Variants in DGCR2 observed in about 807,000 individuals in gnomAD.
DGCR2 encodes the protein integral membrane protein DGCR2/IDD.
DGCR2 carries 24 observed loss-of-function variants against 51.6 expected under a neutral mutation model. That is an observed-to-expected ratio of 0.47 (90% confidence interval 0.34 to 0.65). The LOEUF is 0.65. DGCR2 is among the 30% of genes least tolerant of loss of function. DGCR2 has a pLI of 0.01. For missense variants in DGCR2, 765 were observed against 772.1 expected, an observed-to-expected ratio of 0.99 and a Z score of 0.11; for synonymous variants, 340 against 315.4, an observed-to-expected ratio of 1.08 and a Z score of -0.82.
chr22:19,095,725 A>T (rs1407029792), intron 1 of DGCR2, among the ~76,000 whole-genome samples: 3 of 137,292 alleles, frequency 2.2e-5, no homozygotes, highest in Non-Finnish European at 4.6e-5. Context: ...AGTCAATTAT[A>T]CCTCAATAAG....
At chr22:19,097,624 G>C (rs569267984) in intron 1 of DGCR2, among the ~76,000 whole-genome samples, 8 of 152,302 alleles carry the variant, frequency 5.3e-5, no homozygotes, top group African/African-American at 1.7e-4. Flanking sequence ...CCAGGGCATA[G>C]CCGACCACAC....
rs55803042 is a variant in DGCR2 at position 19,108,569 on chromosome 22, TAAAAAAAAAAAAAAA to T, written c.79+13544_79+13558del. Among the ~76,000 whole-genome samples, 161 of 90,796 alleles carry T rather than the reference TAAAAAAAAAAAAAAA, an allele frequency of 1.8e-3. 1 individual carries two copies. The highest frequency in any genetic ancestry group is 2.9e-3 in the African/African-American group (78 of 27,050). 59.6% of individuals were successfully genotyped at this position (90,796 alleles called of 152,430 possible). A position where few individuals can be genotyped will look rare whatever the true frequency, so the allele number is the denominator to read the frequency against. ...CAGCCTGGGCAACAGAGAATTTATC[TAAAAAAAAAAAAAAA>T]AAAAAAAAAAAAAAAAAAAAGATGC... On this transcript the variant is annotated intron_variant, in intron 1 of 9. Transcript: ENST00000263196.
chr22:19,086,957 A>G (rs1391544550), intron 2 of DGCR2, among the ~76,000 whole-genome samples: 1 of 152,238 alleles, frequency 6.6e-6, no homozygotes, highest in Non-Finnish European at 1.5e-5. Context: ...AGTTATTACA[A>G]ACAACTACAA....
chr22:19,044,388 G>C (rs1412231976), intron 7 of DGCR2, among the ~76,000 whole-genome samples: 3 of 152,222 alleles, frequency 2.0e-5, no homozygotes, highest in Non-Finnish European at 4.4e-5. Context: ...CAGTGACAAG[G>C]AGCTCACCAT....
intron 1 of DGCR2, among the ~76,000 whole-genome samples, chr22:19,102,009 C>T (rs1437625330): frequency 2.6e-5 from 4 of 151,908 alleles, no homozygotes; most frequent in East Asian, 1.9e-4. Flanking sequence ...GAGCCGAGAT[C>T]GCATCACTAT....
intron 5 of DGCR2, among the ~76,000 whole-genome samples, chr22:19,062,765 A>G (rs1056714093): frequency 1.6e-5 from 2 of 128,300 alleles, no homozygotes; most frequent in Admixed American, 8.0e-5. Flanking sequence ...GCGCACACAC[A>G]CACATGCATG....
intron 2 of DGCR2, among the ~76,000 whole-genome samples, chr22:19,076,569 C>T (rs1183895247): frequency 6.6e-6 from 1 of 152,084 alleles, no homozygotes; most frequent in Non-Finnish European, 1.5e-5. Flanking sequence ...TTTCTAAATC[C>T]TCGTCAACAC....
chr22:19,067,080 T>G (rs578152280), intron 3 of DGCR2, among the ~76,000 whole-genome samples: 2 of 152,206 alleles, frequency 1.3e-5, no homozygotes, highest in Non-Finnish European at 2.9e-5. Flanking sequence ...GGCCCCACTC[T>G]GGCCACCCAG....
intron 2 of DGCR2, among the ~76,000 whole-genome samples, chr22:19,075,599 T>A (rs1323207258): frequency 1.3e-5 from 2 of 152,172 alleles, no homozygotes; most frequent in Non-Finnish European, 2.9e-5. Flanking sequence ...TTTTCTCTCC[T>A]CCCAGCCCCT....
At chr22:19,096,815 C>G (rs982017228) in intron 1 of DGCR2, among the ~76,000 whole-genome samples, 2 of 151,230 alleles carry the variant, frequency 1.3e-5, no homozygotes, top group African/African-American at 4.9e-5. Flanking sequence ...TCAAATGACT[C>G]TCCCACCTCA....
chr22:19,118,118 C>T (rs1460797181), intron 1 of DGCR2, among the ~76,000 whole-genome samples: 1 of 152,246 alleles, frequency 6.6e-6, no homozygotes, highest in African/African-American at 2.4e-5. Flanking sequence ...CCTGCAATCC[C>T]GTAACTTTGG....
intron 2 of DGCR2, among the ~76,000 whole-genome samples, chr22:19,085,192 A>T (rs2083001363): frequency 6.6e-6 from 1 of 152,146 alleles, no homozygotes; most frequent in African/African-American, 2.4e-5. Flanking sequence ...AATACAGAAA[A>T]TAGGTGCTTT....
chr22:19,041,135 T>A lies in DGCR2; in HGVS notation c.1319A>T (p.Asp440Val). 6.2e-7 allele frequency: 1 copy of A among 1,613,970 alleles called. No homozygotes were observed. Among genetic ancestry groups the A allele is most frequent in the Non-Finnish European group, 8.5e-7 (1 of 1,179,940 alleles). Residue 440 changes from aspartate (D) to valine (V), a missense_variant, in exon 9 of 10, where the codon GAC becomes GTC. Asp to Val is a radical substitution (Grantham distance 152). Coordinates refer to ENST00000263196, the MANE Select transcript of DGCR2 (RefSeq NM_005137.3). ...PPPYTAYKYP[D>V]IGQPDDPPPP... is the part of the protein sequence containing the mutation. Reference sequence around the variant, plus strand: ...CGGAGGGTCGTCGGGCTGGCCGATGTCCGGGTACTTGTATGCCGTGTAGGG... The same window carrying A: ...CGGAGGGTCGTCGGGCTGGCCGATGACCGGGTACTTGTATGCCGTGTAGGG...
chr22:19,104,390 C>A (rs1601296523), intron 1 of DGCR2, among the ~76,000 whole-genome samples: 3 of 41,484 alleles, frequency 7.2e-5, no homozygotes, highest in African/African-American at 6.9e-4. Context: ...TCAAGGCTGT[C>A]TCAAACTGAG....
chr22:19,114,394 C>T (rs979339897), intron 1 of DGCR2, among the ~76,000 whole-genome samples: 6 of 152,248 alleles, frequency 3.9e-5, no homozygotes, highest in Admixed American at 1.3e-4. Flanking sequence ...AGGCATCCTT[C>T]GCAAATAGGG....
At chr22:19,073,819 G>A (rs775876889) in intron 2 of DGCR2, among the ~76,000 whole-genome samples, 7 of 152,084 alleles carry the variant, frequency 4.6e-5, no homozygotes, top group Non-Finnish European at 1.0e-4. Context: ...GGCAGTACTC[G>A]ACTAAAATGA....
chr22:19,070,704 C>G (rs1342907929), intron 2 of DGCR2, among the ~76,000 whole-genome samples: 1 of 152,256 alleles, frequency 6.6e-6, no homozygotes, highest in Non-Finnish European at 1.5e-5. Context: ...AAGGACACCA[C>G]TCTGTTGAGC....
chr22:19,038,715 TG>T lies in DGCR2; in HGVS notation c.*149del. The T allele has an allele frequency of 1.9e-6, 2 of 1,057,034 alleles. No homozygotes were observed. The highest frequency in any genetic ancestry group is 2.7e-6 in the Non-Finnish European group (2 of 733,538). The allele number at this position is 1,057,034 out of a possible 1,614,324, so 65.5% of individuals were successfully genotyped here. ...ACTTCTTTTGGCAGAAGGCGGGCTGTGGTCTCTATGTACACACGCGAGCCCG... is the reference window on the plus strand; with the variant it reads ...ACTTCTTTTGGCAGAAGGCGGGCTGTGTCTCTATGTACACACGCGAGCCCG... On this transcript the variant is annotated 3_prime_UTR_variant, in exon 10 of 10. Transcript: ENST00000263196.
intron 1 of DGCR2, among the ~76,000 whole-genome samples, chr22:19,108,858 CAA>C (rs796971188): frequency 2.0e-4 from 18 of 91,880 alleles, no homozygotes; most frequent in African/African-American, 2.9e-4. Context: ...CTCATCTTTA[CAA>C]AAAAAAAAAA....
Sources: gnomAD v4.1 joint callset for allele counts (sites outside exome capture counted in the v4.1 genomes callset) on GRCh38, gnomAD v4.1.1 for gene constraint, MANE v1.5 for transcripts, NCBI Gene and HGNC (gene_info 2026-07-23, HGNC 2026-07-21) for gene names.